MBOAT2: variants seen among roughly 807,000 people sequenced by gnomAD.
MBOAT2 encodes the protein membrane-bound glycerophospholipid O-acyltransferase 2.
MBOAT2 carries 28 observed loss-of-function variants against 63.4 expected under a neutral mutation model. The ratio of observed to expected loss-of-function variants is 0.44; its 90% CI spans 0.33 to 0.61. The LOEUF is 0.61. Ranked by LOEUF, MBOAT2 falls within the 20% of genes least tolerant of loss-of-function variation. The pLI is 0.03. For synonymous variants in MBOAT2, 211 were observed against 215.6 expected (o/e 0.98, Z 0.19); for missense variants, 470 against 605.8 (o/e 0.78, Z 2.35).
chr2:8,926,555 T>C (rs1274305378), intron 3 of MBOAT2, among the ~76,000 whole-genome samples: 2 of 152,158 alleles, frequency 1.3e-5, no homozygotes, highest in African/African-American at 4.8e-5. Flanking sequence ...CAGTAGAGCA[T>C]GTGTGCACTA....
intron 2 of MBOAT2, among the ~76,000 whole-genome samples, chr2:8,957,287 T>C (rs1266800574): frequency 6.6e-6 from 1 of 152,158 alleles, no homozygotes; most frequent in Non-Finnish European, 1.5e-5. Context: ...GTTTAAATAG[T>C]ATCACCTGAG....
chr2:8,881,504 CT>C (rs1663135788), intron 6 of MBOAT2, among the ~76,000 whole-genome samples: 1 of 152,082 alleles, frequency 6.6e-6, no homozygotes, highest in South Asian at 2.1e-4. Context: ...CATTCTTCCC[CT>C]GTTCAGGTAG....
chr2:8,975,691 G>A (rs1006040798), intron 1 of MBOAT2, among the ~76,000 whole-genome samples: 4 of 149,994 alleles, frequency 2.7e-5, no homozygotes, highest in African/African-American at 9.8e-5. Flanking sequence ...TCAACATTCT[G>A]TAAACACTTC....
chr2:8,962,165 A>G (rs1353793109), intron 1 of MBOAT2, among the ~76,000 whole-genome samples: 1 of 152,208 alleles, frequency 6.6e-6, no homozygotes, highest in East Asian at 1.9e-4. Flanking sequence ...AATCTTCACA[A>G]TAACCCTATG....
At chr2:8,870,530 T>C (rs1662235084) in intron 8 of MBOAT2, among the ~76,000 whole-genome samples, 1 of 152,184 alleles carries the variant, frequency 6.6e-6, no homozygotes, top group Non-Finnish European at 1.5e-5. Flanking sequence ...CCAGAGATCA[T>C]TAAACTCCAA....
chr2:8,903,613 T>C (rs992481184), intron 4 of MBOAT2, among the ~76,000 whole-genome samples: 1 of 152,210 alleles, frequency 6.6e-6, no homozygotes, highest in Non-Finnish European at 1.5e-5. Context: ...GGGGCAAGGA[T>C]TCACCTTTCT....
intron 7 of MBOAT2, among the ~76,000 whole-genome samples, chr2:8,874,345 T>C (rs1377417719): frequency 6.6e-6 from 1 of 152,224 alleles, no homozygotes; most frequent in Non-Finnish European, 1.5e-5. Context: ...AAAATAAGGC[T>C]ACTCTTTCTT....
At chr2:8,873,435 A>C (rs1662482318) in intron 7 of MBOAT2, 135 bp from the exon 8 acceptor site, 5 of 870,644 alleles carry the variant, frequency 5.7e-6, no homozygotes, top group Non-Finnish European at 8.5e-6. Context: ...CAAGAGCTAC[A>C]TTGCACTTGG....
chr2:8,947,066 G>GAAGGAAACTGAC (rs1356997064), intron 2 of MBOAT2, among the ~76,000 whole-genome samples: 2 of 152,210 alleles, frequency 1.3e-5, no homozygotes, highest in Non-Finnish European at 2.9e-5. Flanking sequence ...AAAGGTTATG[G>GAAGGAAACTGAC]AAGGAAACTG....
At chr2:8,944,332 C>T (rs1489620657) in intron 2 of MBOAT2, among the ~76,000 whole-genome samples, 1 of 152,160 alleles carries the variant, frequency 6.6e-6, no homozygotes, top group Non-Finnish European at 1.5e-5. Context: ...ACACTCTCTC[C>T]ACTTTCTTTC....
intron 11 of MBOAT2, among the ~76,000 whole-genome samples, chr2:8,861,793 GCA>G (rs375157791): frequency 3.3e-5 from 5 of 151,898 alleles, no homozygotes; most frequent in Non-Finnish European, 7.4e-5. Flanking sequence ...TCTGTCTTAT[GCA>G]CACACACACA....
At chr2:8,894,632 C>T (rs1445388143) in intron 4 of MBOAT2, among the ~76,000 whole-genome samples, 2 of 152,228 alleles carry the variant, frequency 1.3e-5, no homozygotes, top group Non-Finnish European at 2.9e-5. Context: ...ACAAGCACAC[C>T]TGTGGCTATC....
intron 2 of MBOAT2, among the ~76,000 whole-genome samples, chr2:8,952,592 T>C (rs1026755668): frequency 6.6e-6 from 1 of 152,238 alleles, no homozygotes; most frequent in Non-Finnish European, 1.5e-5. Flanking sequence ...TCAATCTAAG[T>C]GCTCCAATGT....
intron 12 of MBOAT2, among the ~76,000 whole-genome samples, chr2:8,859,285 A>T (rs1394072824): frequency 6.6e-6 from 1 of 152,194 alleles, no homozygotes; most frequent in African/African-American, 2.4e-5. Flanking sequence ...GATAGTTAAG[A>T]CTTTTACCAG....
At chr2:8,973,295 C>T (rs1670579278) in intron 1 of MBOAT2, among the ~76,000 whole-genome samples, 1 of 147,048 alleles carries the variant, frequency 6.8e-6, no homozygotes, top group African/African-American at 2.5e-5. Flanking sequence ...TGCATGTTCT[C>T]ACTCATTGGT....
intron 2 of MBOAT2, among the ~76,000 whole-genome samples, chr2:8,955,794 T>C (rs1299105532): frequency 6.6e-6 from 1 of 152,224 alleles, no homozygotes; most frequent in Non-Finnish European, 1.5e-5. Context: ...GTAAACTTCA[T>C]TGTTGCCTTA....
intron 6 of MBOAT2, 69 bp from the exon 7 acceptor site, chr2:8,877,282 C>T: frequency 7.2e-7 from 1 of 1,394,838 alleles, no homozygotes. Flanking sequence ...GAATAACGAT[C>T]CACCTCACTG....
At chr2:8,880,602 C>A (rs1663043159) in intron 6 of MBOAT2, among the ~76,000 whole-genome samples, 1 of 152,156 alleles carries the variant, frequency 6.6e-6, no homozygotes, top group Non-Finnish European at 1.5e-5. Context: ...CCTTTCAAGC[C>A]AATGGATGTG....
chr2:8,866,703 T>TA (rs1186744351), intron 9 of MBOAT2, among the ~76,000 whole-genome samples: 1 of 152,240 alleles, frequency 6.6e-6, no homozygotes, highest in Non-Finnish European at 1.5e-5. Context: ...AAAAAGTTCA[T>TA]ACAGTGCATT....
Sources: allele counts gnomAD v4.1 joint callset (sites outside exome capture counted in the v4.1 genomes callset), GRCh38; gene constraint gnomAD v4.1.1; transcripts MANE v1.5; gene names NCBI Gene and HGNC (gene_info 2026-07-23, HGNC 2026-07-21).